The following SOX6 variants were observed in gnomAD, a reference collection of about 807,000 sequenced individuals.
The protein encoded by SOX6 is transcription factor SOX-6.
A neutral mutation model predicts 97.8 loss-of-function variants in SOX6; 11 were observed. The observed-to-expected ratio is 0.11, with a 90% confidence interval of 0.07 to 0.19. The LOEUF is 0.19. Ranked by LOEUF, SOX6 falls within the 10% of genes least tolerant of loss-of-function variation. SOX6 has a pLI of 1.00. For synonymous variants in SOX6, 360 were observed against 371.4 expected (o/e 0.97, Z 0.35); for missense variants, 810 against 1,039.5 (o/e 0.78, Z 3.04).
At chr11:16,017,365 T>C (rs957192779) in intron 12 of SOX6, among the ~76,000 whole-genome samples, 2 of 152,034 alleles carry the variant, frequency 1.3e-5, no homozygotes, top group Non-Finnish European at 2.9e-5. Flanking sequence ...ACTTGTTAAA[T>C]AGGAAGAAAA....
At chr11:16,127,363 T>A (rs1023076066) in intron 6 of SOX6, among the ~76,000 whole-genome samples, 2 of 152,054 alleles carry the variant, frequency 1.3e-5, no homozygotes, top group Admixed American at 6.6e-5. Context: ...ATTCTGAATA[T>A]ACTGTGTATA....
At chr11:16,195,812 T>C (rs1851757316) in intron 4 of SOX6, among the ~76,000 whole-genome samples, 2 of 152,136 alleles carry the variant, frequency 1.3e-5, no homozygotes, top group Non-Finnish European at 2.9e-5. Context: ...ACAACACCCA[T>C]GAAAGTATGA....
chr11:16,727,751 A>G (rs2134057896), intron 2 of SOX6, among the ~76,000 whole-genome samples: 1 of 152,204 alleles, frequency 6.6e-6, no homozygotes, highest in Non-Finnish European at 1.5e-5. Context: ...TATTACTTTT[A>G]TAACCGACAA....
At chr11:16,126,370 A>C (rs1849614373) in intron 6 of SOX6, among the ~76,000 whole-genome samples, 2 of 152,120 alleles carry the variant, frequency 1.3e-5, no homozygotes, top group Non-Finnish European at 2.9e-5. Context: ...TAGCTCCTTT[A>C]ATACTGCACT....
At chr11:16,073,676 AC>A (rs1235104374) in intron 9 of SOX6, among the ~76,000 whole-genome samples, 2 of 152,212 alleles carry the variant, frequency 1.3e-5, no homozygotes, top group Non-Finnish European at 2.9e-5. Context: ...GCTAAAATTG[AC>A]CACACAATCA....
intron 4 of SOX6, among the ~76,000 whole-genome samples, chr11:16,497,221 C>T (rs192377317): frequency 3.3e-5 from 5 of 152,268 alleles, no homozygotes; most frequent in Non-Finnish European, 7.4e-5. Context: ...TAGAGTGGAC[C>T]TCCAGCAAAC....
chr11:16,249,124 A>T (rs762917079), intron 3 of SOX6, among the ~76,000 whole-genome samples: 1 of 151,962 alleles, frequency 6.6e-6, no homozygotes, highest in Non-Finnish European at 1.5e-5. Flanking sequence ...AGAAAAAAAA[A>T]ATTGACTCCT....
chr11:15,992,311 A>G (rs1437448887), intron 13 of SOX6, among the ~76,000 whole-genome samples: 2 of 152,194 alleles, frequency 1.3e-5, no homozygotes, highest in Non-Finnish European at 2.9e-5. Flanking sequence ...ATTTGAAACT[A>G]CTTTTAAATT....
chr11:15,992,437 A>G (rs1854083893), intron 13 of SOX6, among the ~76,000 whole-genome samples: 1 of 151,746 alleles, frequency 6.6e-6, no homozygotes, highest in Admixed American at 6.6e-5. Flanking sequence ...TCCTTCTACC[A>G]CTCTTCCTAT....
chr11:16,465,529 C>T (rs956206262), intron 1 of SOX6, among the ~76,000 whole-genome samples: 1 of 152,108 alleles, frequency 6.6e-6, no homozygotes, highest in Admixed American at 6.5e-5. Flanking sequence ...GTAATTAAAA[C>T]TAAGTGATAG....
intron 2 of SOX6, among the ~76,000 whole-genome samples, chr11:16,734,945 T>C (rs1425292215): frequency 6.6e-6 from 1 of 152,222 alleles, no homozygotes; most frequent in African/African-American, 2.4e-5. Context: ...GAATGGATTA[T>C]TGAGATCAGA....
intron 7 of SOX6, among the ~76,000 whole-genome samples, chr11:16,099,317 A>G (rs1023627622): frequency 6.6e-6 from 1 of 151,836 alleles, no homozygotes; most frequent in Non-Finnish European, 1.5e-5. Flanking sequence ...AATTCTACTG[A>G]TCTTCTTGAT....
chr11:16,545,316 A>G (rs1167245934), intron 4 of SOX6, among the ~76,000 whole-genome samples: 1 of 151,706 alleles, frequency 6.6e-6, no homozygotes, highest in African/African-American at 2.4e-5. Flanking sequence ...CATGGATCCA[A>G]AAACTTTAAC....
chr11:16,446,410 TA>T, intron 1 of SOX6, among the ~76,000 whole-genome samples: 1 of 152,254 alleles, frequency 6.6e-6, no homozygotes, highest in East Asian at 1.9e-4. Context: ...ATTTTCTTTT[TA>T]AAATATTTTC....
intron 4 of SOX6, among the ~76,000 whole-genome samples, chr11:16,508,649 G>C (rs1403845111): frequency 6.6e-6 from 1 of 152,074 alleles, no homozygotes. Context: ...CATGATCATG[G>C]AGAGAGAGTA....
intron 1 of SOX6, among the ~76,000 whole-genome samples, chr11:16,398,403 C>T (rs2174162): frequency 0.6 from 90,441 of 151,154 alleles, 27,117 homozygotes; most frequent in Non-Finnish European, 0.61. Flanking sequence ...ATTTCATATT[C>T]CTGGATGTGA....
chr11:16,527,491 A>C (rs1861184173), intron 4 of SOX6, among the ~76,000 whole-genome samples: 1 of 152,090 alleles, frequency 6.6e-6, no homozygotes, highest in Admixed American at 6.6e-5. Context: ...TTAGAAGCCT[A>C]ACACATGTGG....
chr11:16,234,483 A>G (rs1852956064), intron 4 of SOX6, 99 bp downstream of exon 4: 1 of 715,312 alleles, frequency 1.4e-6, no homozygotes, highest in Non-Finnish European at 2.4e-6. Flanking sequence ...TGTTACATGT[A>G]AGATTTACTG....
intron 9 of SOX6, among the ~76,000 whole-genome samples, chr11:16,057,596 T>G (rs572938655): frequency 6.6e-6 from 1 of 152,180 alleles, no homozygotes; most frequent in Non-Finnish European, 1.5e-5. Context: ...ATGGCACTTG[T>G]AATTCCTTTT....
Sources: allele counts gnomAD v4.1 joint callset (sites outside exome capture counted in the v4.1 genomes callset), GRCh38; gene constraint gnomAD v4.1.1; transcripts MANE v1.5; gene names NCBI Gene and HGNC (gene_info 2026-07-23, HGNC 2026-07-21).